The following LTBP1 variants were observed in gnomAD, a reference collection of about 807,000 sequenced individuals.
LTBP1 encodes latent-transforming growth factor beta-binding protein 1.
In LTBP1, 129 loss-of-function variants were observed where a neutral mutation model predicts 207.6. The observed-to-expected ratio is 0.62, with a 90% CI of 0.54 to 0.72. The LOEUF is 0.72. LTBP1 is among the 30% of genes least tolerant of loss of function. The probability of loss-of-function intolerance (pLI) is 0.00; values close to 1 mark genes in which losing one functional copy is unlikely to be tolerated. For synonymous variants in LTBP1, 963 were observed against 833.7 expected, an observed-to-expected ratio of 1.16 and a Z score of -2.67; for missense variants, 2,281 against 2,217.2, an observed-to-expected ratio of 1.03 and a Z score of -0.58.
chr2:32,983,091 G>T (rs990680209), intron 2 of LTBP1, among the ~76,000 whole-genome samples: 1 of 152,206 alleles, frequency 6.6e-6, no homozygotes, highest in African/African-American at 2.4e-5. Context: ...GCCAGGAGTG[G>T]TGCTCTATCC....
chr2:33,300,387 A>G (rs1367927603), intron 20 of LTBP1, 64 bp from the exon 21 acceptor site: 3 of 1,522,162 alleles, frequency 2.0e-6, no homozygotes, highest in Middle Eastern at 1.7e-4. Context: ...AATGCATTGC[A>G]GGGAGCACTG....
intron 3 of LTBP1, chr2:33,056,311 T>G: frequency 3.3e-6 from 3 of 905,654 alleles, no homozygotes; most frequent in Non-Finnish European, 4.6e-6. Context: ...CCGCCTGCAG[T>G]TTTGTTTTGT....
chr2:33,197,523 T>C (rs1361939243), intron 7 of LTBP1, among the ~76,000 whole-genome samples: 2 of 152,220 alleles, frequency 1.3e-5, no homozygotes, highest in Admixed American at 6.5e-5. Context: ...TTTTGCATCA[T>C]AGGAACATTG....
rs541491503 is a variant in LTBP1, at chr2:33,058,037, G to A, written c.863+36831G>A. 5.1e-4 allele frequency among the ~76,000 whole-genome samples: 78 copies of A among 152,364 alleles called. 2 individuals are homozygous for A. In the South Asian group the frequency reaches 0.015, roughly 30 times the overall value. On this transcript the variant is annotated intron_variant, in intron 3 of 33. Transcript: ENST00000404816. ...CTCTGTGCTCTACCTCATCATAAAA[G>A]TAAGAAACCTAGGAGTGTTTCTCTC...
At chr2:33,331,589 T>A (rs2094494685) in intron 24 of LTBP1, among the ~76,000 whole-genome samples, 2 of 152,284 alleles carry the variant, frequency 1.3e-5, no homozygotes, top group African/African-American at 4.8e-5. Flanking sequence ...CTAAATGACT[T>A]CAATCCTTGA....
chr2:32,959,621 A>ATTTTTTTTTTTTTTTTTTTTT (rs397972038), intron 2 of LTBP1, among the ~76,000 whole-genome samples: 2 of 36,668 alleles, frequency 5.5e-5, no homozygotes, highest in African/African-American at 9.6e-5. Flanking sequence ...ATATATATAT[A>ATTTTTTTTTTTTTTTTTTTTT]TTTTTTTTTT....
intron 3 of LTBP1, among the ~76,000 whole-genome samples, chr2:33,088,816 T>C (rs1463654145): frequency 1.3e-5 from 2 of 152,170 alleles, no homozygotes; most frequent in African/African-American, 2.4e-5. Flanking sequence ...ATGACAAGAA[T>C]ATATCATTTA....
At chr2:33,101,610 G>A (rs1451739650) in intron 3 of LTBP1, among the ~76,000 whole-genome samples, 1 of 152,104 alleles carries the variant, frequency 6.6e-6, no homozygotes, top group African/African-American at 2.4e-5. Context: ...AAAAAGTCTC[G>A]TGATTGGCAT....
chr2:33,340,215 G>A (rs1308199185), intron 24 of LTBP1, among the ~76,000 whole-genome samples: 2 of 144,494 alleles, frequency 1.4e-5, no homozygotes, highest in Admixed American at 7.3e-5. Context: ...CAGAGATCGC[G>A]CCCCTGCACT....
intron 10 of LTBP1, among the ~76,000 whole-genome samples, chr2:33,249,398 C>A (rs78112570): frequency 6.7e-6 from 1 of 150,248 alleles, no homozygotes; most frequent in South Asian, 2.1e-4. Context: ...TGGGTTAATA[C>A]ATTAGAGTAG....
chr2:33,168,861 T>C (rs2085165885), intron 5 of LTBP1, among the ~76,000 whole-genome samples: 3 of 152,232 alleles, frequency 2.0e-5, no homozygotes, highest in Admixed American at 1.3e-4. Context: ...CACCTTGTGC[T>C]GCATCCAGTC....
At chr2:33,003,547 C>T (rs555101814) in intron 2 of LTBP1, among the ~76,000 whole-genome samples, 67 of 152,200 alleles carry the variant, frequency 4.4e-4, no homozygotes, top group South Asian at 1.2e-3. Context: ...AACCAGGTGA[C>T]GGCAGAACTT....
intron 4 of LTBP1, among the ~76,000 whole-genome samples, chr2:33,115,119 CAT>C (rs757334190): frequency 9.8e-5 from 8 of 81,244 alleles, no homozygotes; most frequent in South Asian, 4.2e-4. Context: ...CACACACACA[CAT>C]ATATATACAC....
chr2:33,065,732 T>C (rs973863937), intron 3 of LTBP1, among the ~76,000 whole-genome samples: 3 of 152,190 alleles, frequency 2.0e-5, no homozygotes, highest in African/African-American at 7.2e-5. Context: ...GGTTGGGAGG[T>C]GTTTCTTCTT....
Position 33,398,434 on chromosome 2 carries a change from T to C in LTBP1, c.5055T>C (p.Asp1685=). ...LCKNAKCINT[D]GSYKCLCLPG... is the part of the protein sequence containing the mutation. ...AGAATGCCAAGTGCATTAACACCGATGGTTCCTACAAGTGTTTGTGTCTGC... is the reference window on the plus strand; with the variant it reads ...AGAATGCCAAGTGCATTAACACCGACGGTTCCTACAAGTGTTTGTGTCTGC... Residue 1685 remains aspartate (D), a synonymous_variant, in exon 34 of 34, where the codon GAT becomes GAC. Transcript: ENST00000404816. 6.2e-7 allele frequency: 1 copy of C among 1,614,220 alleles called. No homozygotes were observed. Among genetic ancestry groups the C allele is most frequent in the South Asian group, 1.1e-5 (1 of 91,078 alleles).
rs938981480 is a variant in LTBP1 at position 33,257,607 on chromosome 2, C to G, written c.2395+96C>G. ...AACCCTCTAGAACAGAGTTTCTCAG[C>G]CTAAGCACTATTGGCATTTTAGAGT... On this transcript the variant is annotated intron_variant, in intron 12 of 33. Coordinates refer to ENST00000404816, the MANE Select transcript of LTBP1 (RefSeq NM_206943.4). The G allele has an allele frequency of 8.9e-6, 9 of 1,015,138 alleles. No homozygotes were observed. The Admixed American group carries it at 2.1e-4, about 24-fold the overall frequency. The allele number at this position is 1,015,138 out of a possible 1,614,324, so 62.9% of individuals were successfully genotyped here.
intron 3 of LTBP1, among the ~76,000 whole-genome samples, chr2:33,036,208 TCA>T (rs1426208933): frequency 3.3e-5 from 5 of 152,080 alleles, no homozygotes; most frequent in African/African-American, 1.2e-4. Context: ...GGGCCCCACC[TCA>T]GAGTTTCCGA....
At chr2:32,988,563 G>C (rs1273284367) in intron 2 of LTBP1, among the ~76,000 whole-genome samples, 1 of 152,190 alleles carries the variant, frequency 6.6e-6, no homozygotes, top group African/African-American at 2.4e-5. Context: ...TGAGGCACGA[G>C]TAATTTTTAA....
intron 4 of LTBP1, among the ~76,000 whole-genome samples, chr2:33,119,200 G>C (rs2080961004): frequency 6.6e-6 from 1 of 150,582 alleles, no homozygotes; most frequent in Admixed American, 6.6e-5. Context: ...TAATACAAAT[G>C]AATTTATTGT....
Sources: allele counts gnomAD v4.1 joint callset (sites outside exome capture counted in the v4.1 genomes callset), GRCh38; gene constraint gnomAD v4.1.1; transcripts MANE v1.5; gene names NCBI Gene and HGNC (gene_info 2026-07-23, HGNC 2026-07-21).